The following SMARCAD1 variants were observed in gnomAD, a reference collection of about 807,000 sequenced individuals.
SMARCAD1 encodes the protein SNF2 related chromatin remodeling ATPase with DExD box 1, also known as SWI/SNF-related matrix-associated actin-dependent regulator of chromatin subfamily A containing DEAD/H box 1.
Under a neutral mutation model 127.1 loss-of-function variants are expected in SMARCAD1, and 25 were observed. The observed-to-expected ratio is 0.20, with a 90% confidence interval of 0.14 to 0.27. The LOEUF is 0.27. SMARCAD1 is among the 10% of genes least tolerant of loss of function. The pLI, the probability that SMARCAD1 is intolerant of heterozygous loss-of-function variation, is 1.00. For synonymous variants in SMARCAD1, 400 were observed against 396.9 expected (o/e 1.01, Z -0.09); for missense variants, 807 against 1,206.0 (o/e 0.67, Z 4.90).
intron 19 of SMARCAD1, among the ~76,000 whole-genome samples, chr4:94,280,202 A>G (rs1753832060): frequency 6.6e-6 from 1 of 152,100 alleles, no homozygotes; most frequent in African/African-American, 2.4e-5. Flanking sequence ...ATTATTTTAA[A>G]CTTATGGAGA....
At chr4:94,231,105 A>G (rs887685390) in intron 3 of SMARCAD1, among the ~76,000 whole-genome samples, 13 of 152,230 alleles carry the variant, frequency 8.5e-5, no homozygotes, top group Admixed American at 7.2e-4. Context: ...TGAGAACTCC[A>G]TAAGAAAGGA....
rs546037618 is a variant in SMARCAD1, at chr4:94,260,484, C to T, written c.1282-4223C>T. 1.4e-4 allele frequency among the ~76,000 whole-genome samples: 21 copies of T among 152,198 alleles called. 1 individual carries two copies. The highest frequency in any genetic ancestry group is 6.8e-3 in the Middle Eastern group (2 of 294). On this transcript the variant is annotated intron_variant, in intron 9 of 23. Coordinates refer to ENST00000354268, the MANE Select transcript of SMARCAD1 (RefSeq NM_020159.5). ...TCAGCCTCCTGAATAGCTGGGATTA[C>T]AGGCGTGCACCACCACACCCAGTTA...
At chr4:94,267,543 G>A (rs6532474) in intron 10 of SMARCAD1, among the ~76,000 whole-genome samples, 151,645 of 152,254 alleles carry the variant, frequency 1, 75,522 homozygotes, top group East Asian at 1. Flanking sequence ...AATAATTTTG[G>A]AACTAGTTTC....
chr4:94,261,815 G>T (rs1751034192), intron 9 of SMARCAD1, among the ~76,000 whole-genome samples: 1 of 152,130 alleles, frequency 6.6e-6, no homozygotes, highest in Admixed American at 6.5e-5. Context: ...CTGCCATGTT[G>T]CCCAGGCGGG....
chr4:94,223,132 G>C (rs1369819368), intron 2 of SMARCAD1, among the ~76,000 whole-genome samples: 1 of 152,078 alleles, frequency 6.6e-6, no homozygotes, highest in African/African-American at 2.4e-5. Flanking sequence ...CAGGTGAAAA[G>C]ATTATTCTTC....
At chr4:94,233,868 G>C in intron 3 of SMARCAD1, 86 bp from the exon 4 acceptor site, 1 of 1,323,280 alleles carries the variant, frequency 7.6e-7, no homozygotes, top group South Asian at 1.2e-5. Flanking sequence ...CAGATGTGTT[G>C]TACTATGTAT....
intron 3 of SMARCAD1, among the ~76,000 whole-genome samples, chr4:94,230,376 C>G (rs1258219143): frequency 4.0e-5 from 6 of 151,652 alleles, no homozygotes; most frequent in Admixed American, 1.3e-4. Context: ...GTATATATCT[C>G]CTGGAAATCA....
In SMARCAD1 at chr4:94,289,500, T is replaced by C; in HGVS notation, c.3047T>C (p.Ile1016Thr). 1.2e-6 allele frequency: 2 copies of C among 1,613,388 alleles called. No individual in the cohort carries two copies. Among genetic ancestry groups the C allele is most frequent in the Admixed American group, 1.7e-5 (1 of 60,010 alleles). The change falls in exon 24 of 24, where the codon ATA becomes ACA. Residue 1016 changes from isoleucine to threonine, a missense_variant. Physicochemically the swap from Ile to Thr is moderately conservative, Grantham distance 89. Around this residue, in one of 8 missense-constraint regions of SMARCAD1, gnomAD observed 36 missense variants for 67.4 expected, o/e 0.53. Transcript: ENST00000354268. ...EGDEGSMPAD[I>T]ATLLKTSMGL ...GATGAAGGGAGTATGCCAGCAGATATAGCCACATTACTAAAAACATCAATG... is the reference window on the plus strand; with the variant it reads ...GATGAAGGGAGTATGCCAGCAGATACAGCCACATTACTAAAAACATCAATG...
chr4:94,247,773 T>C (rs553090314), intron 6 of SMARCAD1, among the ~76,000 whole-genome samples: 1 of 152,228 alleles, frequency 6.6e-6, no homozygotes, highest in Non-Finnish European at 1.5e-5. Context: ...GGTGGAATTA[T>C]ATAATATGTA....
At chr4:94,287,788 A>AAT (rs778727669) in intron 23 of SMARCAD1, among the ~76,000 whole-genome samples, 3 of 152,010 alleles carry the variant, frequency 2.0e-5, no homozygotes, top group Admixed American at 1.3e-4. Flanking sequence ...GAACTTTAAA[A>AAT]ATATATATAT....
At chr4:94,287,515 G>A (rs1160372948) in intron 23 of SMARCAD1, among the ~76,000 whole-genome samples, 1 of 152,086 alleles carries the variant, frequency 6.6e-6, no homozygotes, top group Non-Finnish European at 1.5e-5. Context: ...TGCCTTAGTT[G>A]TTACCAGAGT....
At chr4:94,276,067 G>C (rs530718773) in intron 14 of SMARCAD1, among the ~76,000 whole-genome samples, 1 of 152,172 alleles carries the variant, frequency 6.6e-6, no homozygotes, top group Non-Finnish European at 1.5e-5. Flanking sequence ...AAAGTGCTGG[G>C]ATTACAGGTG....
chr4:94,228,763 T>C (rs1745395213), intron 3 of SMARCAD1, among the ~76,000 whole-genome samples: 1 of 152,180 alleles, frequency 6.6e-6, no homozygotes, highest in South Asian at 2.1e-4. Context: ...TGGACCATAT[T>C]TTCAGTAGTA....
At chr4:94,268,268 T>G (rs17376278) in intron 10 of SMARCAD1, among the ~76,000 whole-genome samples, 1,688 of 152,328 alleles carry the variant, frequency 0.011, 14 homozygotes, top group Middle Eastern at 0.027. Context: ...TTAAATTTCC[T>G]CATCACTTTT....
intron 9 of SMARCAD1, among the ~76,000 whole-genome samples, chr4:94,262,387 G>A (rs1238746282): frequency 6.6e-6 from 1 of 152,154 alleles, no homozygotes; most frequent in East Asian, 1.9e-4. Flanking sequence ...TCTACCTCCT[G>A]AAGATCGTGA....
intron 2 of SMARCAD1, among the ~76,000 whole-genome samples, chr4:94,210,950 AG>A (rs1441441035): frequency 6.8e-6 from 1 of 147,702 alleles, no homozygotes; most frequent in African/African-American, 2.5e-5. Flanking sequence ...AAAAAAAAAA[AG>A]GTAAATGTCT....
At chr4:94,234,237 A>T (rs535535525) in intron 4 of SMARCAD1, 115 bp downstream of exon 4, 127 of 958,468 alleles carry the variant, frequency 1.3e-4, no homozygotes, top group Middle Eastern at 3.1e-4. Context: ...TGAAGATATT[A>T]ACTATTAAAT....
At position 94,267,652 on chromosome 4, in the gene SMARCAD1, A is replaced by G. The variant is rs555127702; in HGVS notation, c.1481+2746A>G. ...TTCCCCTAACAAAACAATAACTTCA[A>G]AATAGCCTGTTGCCTCATTTTCTTT... On this transcript the variant is annotated intron_variant, in intron 10 of 23. Transcript: ENST00000354268. Among the ~76,000 whole-genome samples, 22 of 152,276 alleles carry G rather than the reference A, an allele frequency of 1.4e-4. No individual in the cohort carries two copies. The South Asian group carries it at 3.7e-3, about 26-fold the overall frequency.
At chr4:94,229,300 T>C (rs1458329984) in intron 3 of SMARCAD1, among the ~76,000 whole-genome samples, 2 of 152,226 alleles carry the variant, frequency 1.3e-5, no homozygotes, top group African/African-American at 4.8e-5. Flanking sequence ...TACTAACCAG[T>C]GTTCTAGAAC....
Sources: allele counts gnomAD v4.1 joint callset (sites outside exome capture counted in the v4.1 genomes callset), GRCh38; gene constraint gnomAD v4.1.1; regional missense constraint gnomAD v4.1.1; transcripts MANE v1.5; gene names NCBI Gene and HGNC (gene_info 2026-07-23, HGNC 2026-07-21).